FRAS1: variants seen among roughly 807,000 people sequenced by gnomAD.
FRAS1 encodes the protein extracellular matrix organizing protein FRAS1.
FRAS1 carries 290 observed loss-of-function variants against 435.2 expected under a neutral mutation model. The observed-to-expected ratio is 0.67, with a 90% CI of 0.61 to 0.73. FRAS1 has a LOEUF of 0.73. FRAS1 is among the 30% of genes least tolerant of loss of function. FRAS1 has a pLI of 0.00. For synonymous variants in FRAS1, 1,800 were observed against 1,851.0 expected (o/e 0.97, Z 0.71); for missense variants, 4,860 against 5,001.5 (o/e 0.97, Z 0.85).
chr4:78,227,564 A>G (rs530769305), intron 2 of FRAS1, among the ~76,000 whole-genome samples: 2 of 152,366 alleles, frequency 1.3e-5, no homozygotes, highest in Admixed American at 1.3e-4. Flanking sequence ...AGTACAACTC[A>G]GCCATTTAGT....
In FRAS1 at chr4:78,380,029, T is replaced by G. The variant is rs568311781; in HGVS notation, c.3563+33T>G. 2.5e-6 allele frequency: 4 copies of G among 1,599,066 alleles called. No individual in the cohort carries two copies. The Admixed American group carries it at 7.1e-5, about 28-fold the overall frequency. On this transcript the variant is annotated intron_variant, in intron 27 of 73. Transcript: ENST00000512123. Reference sequence around the variant, plus strand: ...TGTGTTCTGTTGTTTTCTTCCTGCCTCCTTTCCATCATTGCTTTTCCACTC... The same window carrying G: ...TGTGTTCTGTTGTTTTCTTCCTGCCGCCTTTCCATCATTGCTTTTCCACTC...
At chr4:78,257,436 A>G (rs1725846286) in intron 6 of FRAS1, among the ~76,000 whole-genome samples, 1 of 152,214 alleles carries the variant, frequency 6.6e-6, no homozygotes, top group South Asian at 2.1e-4. Context: ...TACATCATTA[A>G]ATATAAGGGA....
chr4:78,215,785 T>G (rs1717570196), intron 2 of FRAS1, among the ~76,000 whole-genome samples: 1 of 152,184 alleles, frequency 6.6e-6, no homozygotes, highest in Non-Finnish European at 1.5e-5. Flanking sequence ...TATATCAGAG[T>G]TTTCCTTCCT....
chr4:78,375,429 G>A (rs900000318), intron 25 of FRAS1, among the ~76,000 whole-genome samples: 3 of 152,308 alleles, frequency 2.0e-5, no homozygotes, highest in African/African-American at 7.2e-5. Flanking sequence ...GTTAGAGGAG[G>A]AAGCGTACCT....
intron 66 of FRAS1, 41 bp from the exon 67 acceptor site, chr4:78,519,290 A>C (rs202185237): frequency 1.5e-4 from 218 of 1,458,372 alleles, no homozygotes; most frequent in Non-Finnish European, 1.8e-4. Flanking sequence ...TTTTCATCCC[A>C]GGGGAGAAAT....
chr4:78,257,686 G>T (rs1157432570), intron 6 of FRAS1, among the ~76,000 whole-genome samples: 1 of 152,164 alleles, frequency 6.6e-6, no homozygotes. Context: ...GTGGAGAGGG[G>T]AGGAGAATTC....
intron 58 of FRAS1, among the ~76,000 whole-genome samples, chr4:78,483,869 G>C (rs1297213439): frequency 6.7e-6 from 1 of 149,224 alleles, no homozygotes; most frequent in East Asian, 2.0e-4. Flanking sequence ...CATCCAAAAT[G>C]ATAGTAATTT....
At chr4:78,362,899 A>G (rs947982173) in intron 20 of FRAS1, among the ~76,000 whole-genome samples, 18 of 152,318 alleles carry the variant, frequency 1.2e-4, no homozygotes, top group South Asian at 2.1e-4. Flanking sequence ...GGGGCATACC[A>G]TAGGTAGTTT....
chr4:78,326,039 A>G (rs1729705247), intron 18 of FRAS1, among the ~76,000 whole-genome samples: 1 of 152,208 alleles, frequency 6.6e-6, no homozygotes, highest in Admixed American at 6.5e-5. Context: ...GGGACATTAC[A>G]TGACGTACTT....
intron 2 of FRAS1, among the ~76,000 whole-genome samples, chr4:78,212,081 A>G (rs532652270): frequency 3.9e-5 from 6 of 152,332 alleles, no homozygotes; most frequent in Admixed American, 2.6e-4. Context: ...ATATATATAC[A>G]CATTCATTCA....
intron 41 of FRAS1, among the ~76,000 whole-genome samples, chr4:78,443,586 A>G (rs796085679): frequency 1.6e-4 from 25 of 152,366 alleles, no homozygotes; most frequent in African/African-American, 3.8e-4. Context: ...TTCCAGTGCT[A>G]TGCAGTGATG....
chr4:78,388,758 T>A (rs1732327231), intron 29 of FRAS1, among the ~76,000 whole-genome samples: 1 of 151,996 alleles, frequency 6.6e-6, no homozygotes. Context: ...CAGTGAGCCA[T>A]GATCACACTA....
chr4:78,064,975 TAAATCAA>T (rs1245987341), intron 1 of FRAS1, among the ~76,000 whole-genome samples: 254 of 150,946 alleles, frequency 1.7e-3, no homozygotes, highest in African/African-American at 6.0e-3. Context: ...CTTTCTAAGT[TAAATCAA>T]GACCTGTTGT....
At chr4:78,343,791 T>C (rs1730494104) in intron 20 of FRAS1, among the ~76,000 whole-genome samples, 1 of 152,216 alleles carries the variant, frequency 6.6e-6, no homozygotes. Context: ...GGGAGCCTGG[T>C]ACGAGCCAGG....
intron 2 of FRAS1, among the ~76,000 whole-genome samples, chr4:78,118,962 A>C (rs1334043822): frequency 6.7e-6 from 1 of 150,358 alleles, no homozygotes; most frequent in Non-Finnish European, 1.5e-5. Context: ...TCTTGGCTCC[A>C]CCACCTTATT....
intron 41 of FRAS1, among the ~76,000 whole-genome samples, 181 bp from the exon 42 acceptor site, chr4:78,445,341 G>C (rs988811280): frequency 6.6e-5 from 10 of 152,190 alleles, no homozygotes; most frequent in African/African-American, 2.2e-4. Flanking sequence ...AATAGTCAGT[G>C]AGGAAACGGA....
intron 47 of FRAS1, among the ~76,000 whole-genome samples, chr4:78,456,158 T>A (rs1383936682): frequency 6.8e-6 from 1 of 147,764 alleles, no homozygotes; most frequent in Non-Finnish European, 1.5e-5. Flanking sequence ...TTTTTTTTTT[T>A]TTTGAGACGG....
chr4:78,363,852 G>A, intron 21 of FRAS1, 56 bp from the exon 22 acceptor site: 2 of 1,562,744 alleles, frequency 1.3e-6, no homozygotes, highest in Non-Finnish European at 8.7e-7. Flanking sequence ...TTGGGGTGCT[G>A]CTTTGGAAGA....
intron 40 of FRAS1, among the ~76,000 whole-genome samples, 163 bp downstream of exon 40, chr4:78,439,227 T>G (rs1208554230): frequency 1.3e-5 from 2 of 152,246 alleles, no homozygotes; most frequent in African/African-American, 2.4e-5. Flanking sequence ...GAGTGTTTTT[T>G]TAAGTATGAA....
Sources: gnomAD v4.1 joint callset for allele counts (sites outside exome capture counted in the v4.1 genomes callset) on GRCh38, gnomAD v4.1.1 for gene constraint, MANE v1.5 for transcripts, NCBI Gene and HGNC (gene_info 2026-07-23, HGNC 2026-07-21) for gene names.